Variants in C16orf74 observed in about 807,000 individuals in gnomAD.
C16orf74 encodes calcimembrin, also known as uncharacterized protein C16orf74.
In C16orf74, 10 loss-of-function variants were observed where a neutral mutation model predicts 6.5. That is an observed-to-expected ratio of 1.54 (90% confidence interval 0.95 to 2.61). The LOEUF is 2.61. Among genes scored for constraint, C16orf74 ranks in the 30% most tolerant of loss-of-function variants. The pLI is 0.00. For missense variants in C16orf74, 141 were observed against 105.9 expected (o/e 1.33, Z -1.45); for synonymous variants, 60 against 42.5 (o/e 1.41, Z -1.60).
chr16:85,748,936 TTTTTTTTTTTTA>T (rs1409448289), intron 1 of C16orf74, among the ~76,000 whole-genome samples: 12 of 122,096 alleles, frequency 9.8e-5, no homozygotes, highest in South Asian at 7.3e-4. Context: ...TTTTTTTTTT[TTTTTTTTTTTTA>T]TTTTATTTTT....
At chr16:85,724,520 C>T (rs2054113864) in intron 2 of C16orf74, among the ~76,000 whole-genome samples, 1 of 152,102 alleles carries the variant, frequency 6.6e-6, no homozygotes, top group African/African-American at 2.4e-5. Context: ...ACAGTGGGGA[C>T]AGTGGACAGC....
At chr16:85,748,925 A>ATTTTTTT (rs748594620) in intron 1 of C16orf74, among the ~76,000 whole-genome samples, 21 of 73,082 alleles carry the variant, frequency 2.9e-4, no homozygotes, top group African/African-American at 1.0e-3. Flanking sequence ...GGAGGCTTTG[A>ATTTTTTT]TTTTTTTTTT....
chr16:85,750,678 A>ACCG (rs1332348166), intron 1 of C16orf74, among the ~76,000 whole-genome samples: 12 of 152,146 alleles, frequency 7.9e-5, no homozygotes, highest in African/African-American at 2.6e-4. Context: ...TCACACCCCC[A>ACCG]CCGCCGTGCA....
chr16:85,721,692 A>G (rs1007999598), intron 2 of C16orf74, among the ~76,000 whole-genome samples: 2 of 152,178 alleles, frequency 1.3e-5, no homozygotes, highest in African/African-American at 4.8e-5. Context: ...GACAGGGGTA[A>G]TTGTCATTCA....
At chr16:85,722,459 G>C (rs2054092361) in intron 2 of C16orf74, among the ~76,000 whole-genome samples, 1 of 152,224 alleles carries the variant, frequency 6.6e-6, no homozygotes, top group African/African-American at 2.4e-5. Context: ...TGAAGGCTGG[G>C]CTGGATTTGC....
intron 1 of C16orf74, among the ~76,000 whole-genome samples, chr16:85,750,549 C>T (rs1355508958): frequency 6.6e-6 from 1 of 152,244 alleles, no homozygotes; most frequent in Non-Finnish European, 1.5e-5. Flanking sequence ...CTCCTGCCCC[C>T]GCCCCCCGCC....
At chr16:85,730,292 G>C (rs1040566442) in intron 2 of C16orf74, among the ~76,000 whole-genome samples, 2 of 152,150 alleles carry the variant, frequency 1.3e-5, no homozygotes, top group African/African-American at 4.8e-5. Context: ...CTCCCTAGAG[G>C]AGCCCATGTC....
In C16orf74 at chr16:85,744,616, G is replaced by A. The variant is rs138667723; in HGVS notation, c.-19+6310C>T. On this transcript the variant is annotated intron_variant, in intron 1 of 3. Coordinates refer to ENST00000284245, the MANE Select transcript of C16orf74 (RefSeq NM_206967.3). ...GAGGCCAAGGCGGGCGGATCACGAGGTCAGGAGATCGAGACCATCCTGGCT... is the reference window on the plus strand; with the variant it reads ...GAGGCCAAGGCGGGCGGATCACGAGATCAGGAGATCGAGACCATCCTGGCT... Among the ~76,000 whole-genome samples, 1,058 of 151,802 alleles carry A rather than the reference G, an allele frequency of 7.0e-3. 8 individuals carry two copies. Among genetic ancestry groups the A allele is most frequent in the African/African-American group, 0.024 (1,006 of 41,400 alleles).
At chr16:85,720,238 G>C (rs554064685) in intron 2 of C16orf74, among the ~76,000 whole-genome samples, 19 of 152,304 alleles carry the variant, frequency 1.2e-4, no homozygotes, top group African/African-American at 4.6e-4. Context: ...CTGCTGGAGA[G>C]AGACAACCTG....
chr16:85,740,302 C>A (rs2054290367), intron 1 of C16orf74, among the ~76,000 whole-genome samples: 2 of 150,520 alleles, frequency 1.3e-5, no homozygotes, highest in African/African-American at 4.9e-5. Flanking sequence ...GCCTTGTAAT[C>A]CTAGCACTTT....
At chr16:85,743,367 T>A (rs1401468080) in intron 1 of C16orf74, 1 of 152,162 alleles carries the variant, frequency 6.6e-6, no homozygotes, top group Non-Finnish European at 1.5e-5. Flanking sequence ...CCAAGTTTGC[T>A]ATAAAAACGA....
intron 1 of C16orf74, among the ~76,000 whole-genome samples, chr16:85,745,081 T>C (rs2054358119): frequency 7.6e-6 from 1 of 131,978 alleles, no homozygotes; most frequent in African/African-American, 3.0e-5. Flanking sequence ...CTGCAGGTTG[T>C]GGAGAGCTGA....
rs2053928455 is a variant in C16orf74, at chr16:85,707,882, G to A, written c.*126C>T. Reference sequence around the variant, plus strand: ...TGGTCCTGCCACGTCTCTCTGAGCGGAGGCCCGGGTTCGCTCAGTTCCCAT... The same window carrying A: ...TGGTCCTGCCACGTCTCTCTGAGCGAAGGCCCGGGTTCGCTCAGTTCCCAT... On this transcript the variant is annotated 3_prime_UTR_variant, in exon 4 of 4. Transcript: ENST00000284245. The A allele has an allele frequency of 2.7e-6, 2 of 730,154 alleles. No individual in the cohort carries two copies. Among genetic ancestry groups the A allele is most frequent in the East Asian group, 5.5e-5 (2 of 36,572 alleles). 45.2% of individuals were successfully genotyped at this position (730,154 alleles called of 1,614,324 possible). A position where few individuals can be genotyped will look rare whatever the true frequency, so the allele number is the denominator to read the frequency against.
intron 1 of C16orf74, among the ~76,000 whole-genome samples, chr16:85,738,510 T>C (rs2054269202): frequency 6.6e-6 from 1 of 151,496 alleles, no homozygotes; most frequent in African/African-American, 2.4e-5. Flanking sequence ...TTTTCATTTT[T>C]AGTAGAAATG....
chr16:85,735,195 A>T lies in C16orf74; in HGVS notation c.23T>A (p.Leu8Gln). MGLKMSC[L>Q]KGFQMCVSSS... ...GGCAGAGCTTCAGGCCTTACCTTTC[A>T]GGCAGGACATCTTAAGCCCCATGTC... is the stretch of plus-strand genomic sequence containing the variant. Residue 8 changes from leucine to glutamine, a missense_variant, in exon 2 of 4, where the codon CTG becomes CAG. By Grantham distance (113) the Leu-to-Gln change is moderately radical. Coordinates refer to ENST00000284245, the MANE Select transcript of C16orf74 (RefSeq NM_206967.3). 1 of 1,605,682 alleles carries T rather than the reference A, an allele frequency of 6.2e-7. No homozygotes were observed. The highest frequency in any genetic ancestry group is 8.5e-7 in the Non-Finnish European group (1 of 1,175,758).
In C16orf74 at chr16:85,708,667, G is replaced by A. The variant is rs1007612930; in HGVS notation, c.173-601C>T. Among the ~76,000 whole-genome samples the A allele has an allele frequency of 3.9e-5, 6 of 152,210 alleles. No individual in the cohort carries two copies. The South Asian group carries it at 6.2e-4, about 16-fold the overall frequency. On this transcript the variant is annotated intron_variant, in intron 3 of 3. Coordinates refer to ENST00000284245, the MANE Select transcript of C16orf74 (RefSeq NM_206967.3). ...TAGCCTGGTGCCAGGCACTTGGAAAGGTCACAGAGGAATGCGCCCCATTGC... is the reference window on the plus strand; with the variant it reads ...TAGCCTGGTGCCAGGCACTTGGAAAAGTCACAGAGGAATGCGCCCCATTGC...
At chr16:85,745,470 G>A (rs974216412) in intron 1 of C16orf74, among the ~76,000 whole-genome samples, 2 of 152,226 alleles carry the variant, frequency 1.3e-5, no homozygotes, top group South Asian at 4.1e-4. Flanking sequence ...AGTGCAAACA[G>A]AAAAGCAAAA....
intron 2 of C16orf74, among the ~76,000 whole-genome samples, chr16:85,728,204 T>A (rs960494852): frequency 1.1e-4 from 16 of 151,948 alleles, no homozygotes; most frequent in Admixed American, 7.9e-4. Context: ...TAACAATGGA[T>A]TTGTATTGAT....
At chr16:85,719,527 G>A (rs142226609) in intron 2 of C16orf74, among the ~76,000 whole-genome samples, 6 of 152,120 alleles carry the variant, frequency 3.9e-5, no homozygotes, top group African/African-American at 9.7e-5. Context: ...GGCACACTGA[G>A]GCACAGAGAA....
Sources: allele counts gnomAD v4.1 joint callset (sites outside exome capture counted in the v4.1 genomes callset), GRCh38; gene constraint gnomAD v4.1.1; transcripts MANE v1.5; gene names NCBI Gene and HGNC (gene_info 2026-07-23, HGNC 2026-07-21).